Variants in PPARGC1A observed in about 807,000 individuals in gnomAD.
PPARGC1A encodes the protein peroxisome proliferator-activated receptor gamma coactivator 1-alpha.
Under a neutral mutation model 88.7 loss-of-function variants are expected in PPARGC1A, and 25 were observed. That is an observed-to-expected ratio of 0.28 (90% CI 0.21 to 0.39). PPARGC1A has a LOEUF of 0.39. Among genes scored for constraint, PPARGC1A ranks in the 10% least tolerant of loss-of-function variants. The pLI is 1.00. For missense variants in PPARGC1A, 880 were observed against 968.7 expected, an observed-to-expected ratio of 0.91 and a Z score of 1.22; for synonymous variants, 363 against 355.6, an observed-to-expected ratio of 1.02 and a Z score of -0.24.
rs189519572 is a variant in PPARGC1A at position 23,813,552 on chromosome 4, C to T, written c.1793+138G>A. ...AGAGATGTGAGTGTAACAATGTTCT[C>T]GTTAGTTCCAGCAGTGCCAGAATTG... On this transcript the variant is annotated intron_variant, in intron 8 of 12. Coordinates refer to ENST00000264867, the MANE Select transcript of PPARGC1A (RefSeq NM_013261.5). 129 of 747,298 alleles carry T rather than the reference C, an allele frequency of 1.7e-4. No individual in the cohort carries two copies. The East Asian group carries it at 3.2e-3, about 19-fold the overall frequency. 46.3% of individuals were successfully genotyped at this position (747,298 alleles called of 1,614,324 possible). A position where few individuals can be genotyped will look rare whatever the true frequency, so the allele number is the denominator to read the frequency against.
intron 2 of PPARGC1A, chr4:23,883,144 G>T (rs1301094570): frequency 3.3e-5 from 5 of 152,188 alleles, no homozygotes; most frequent in African/African-American, 1.2e-4. Context: ...GTCCTCACAT[G>T]AACTTTCTAA....
chr4:24,157,175 G>A, the PPARGC1A span, among the ~76,000 whole-genome samples: 1 of 152,112 alleles, frequency 6.6e-6, no homozygotes, highest in Admixed American at 6.6e-5. Context: ...AAAAATAAAA[G>A]ATGGCAGATC....
chr4:24,348,761 TCTTTCC>T, the PPARGC1A span, among the ~76,000 whole-genome samples: 2 of 152,354 alleles, frequency 1.3e-5, no homozygotes, highest in Non-Finnish European at 1.5e-5. Context: ...CTTTCTCTGA[TCTTTCC>T]CTTATTAGCT....
chr4:23,982,127 T>C, the PPARGC1A span, among the ~76,000 whole-genome samples: 10 of 152,222 alleles, frequency 6.6e-5, no homozygotes, highest in Admixed American at 4.6e-4. Flanking sequence ...TGAGAGAGAA[T>C]CTCCTCAGAA....
At chr4:24,097,048 G>A in the PPARGC1A span, among the ~76,000 whole-genome samples, 4 of 152,082 alleles carry the variant, frequency 2.6e-5, no homozygotes, top group Non-Finnish European at 4.4e-5. Flanking sequence ...AAGCTATGAT[G>A]GTGCCACGGC....
At chr4:24,398,931 T>C in the PPARGC1A span, among the ~76,000 whole-genome samples, 2 of 152,300 alleles carry the variant, frequency 1.3e-5, no homozygotes, top group South Asian at 4.1e-4. Flanking sequence ...GAAGATATTT[T>C]CCCCACCCAG....
chr4:24,361,083 ACCACTTGCTCCAGTGTGG>A, the PPARGC1A span, among the ~76,000 whole-genome samples: 1 of 152,176 alleles, frequency 6.6e-6, no homozygotes, highest in Non-Finnish European at 1.5e-5. Context: ...CATTCAGGTG[ACCACTTGCTCCAGTGTGG>A]CTGGGACAAG....
At chr4:24,244,781 A>G in the PPARGC1A span, among the ~76,000 whole-genome samples, 43 of 152,296 alleles carry the variant, frequency 2.8e-4, no homozygotes, top group African/African-American at 9.6e-4. Context: ...CCCCACAACA[A>G]AGAACTATCA....
intron 10 of PPARGC1A, 59 bp from the exon 11 acceptor site, chr4:23,802,404 G>T (rs1718953139): frequency 6.2e-7 from 1 of 1,605,146 alleles, no homozygotes; most frequent in Admixed American, 1.7e-5. Flanking sequence ...CCTCGGCCGG[G>T]CACAGTGGCT....
At chr4:23,860,234 T>C (rs1731000029) in intron 2 of PPARGC1A, among the ~76,000 whole-genome samples, 1 of 142,154 alleles carries the variant, frequency 7.0e-6, no homozygotes, top group Non-Finnish European at 1.5e-5. Flanking sequence ...ATCACATCAC[T>C]GCACCCAGCC....
the PPARGC1A span, among the ~76,000 whole-genome samples, chr4:24,035,520 T>C: frequency 6.6e-6 from 1 of 151,980 alleles, no homozygotes; most frequent in Non-Finnish European, 1.5e-5. Flanking sequence ...CATTCCAGCC[T>C]GGGCGATGGA....
the PPARGC1A span, among the ~76,000 whole-genome samples, chr4:23,928,860 A>G: frequency 5.9e-5 from 9 of 152,120 alleles, no homozygotes; most frequent in South Asian, 8.3e-4. Flanking sequence ...CATTATCCTC[A>G]GCAAACTAAT....
At chr4:24,366,240 G>A in the PPARGC1A span, among the ~76,000 whole-genome samples, 98 of 137,748 alleles carry the variant, frequency 7.1e-4, no homozygotes, top group African/African-American at 2.3e-3. Context: ...ATTTTATTCC[G>A]TTTCATTCAC....
chr4:24,439,289 G>T, the PPARGC1A span, among the ~76,000 whole-genome samples: 1 of 152,174 alleles, frequency 6.6e-6, no homozygotes, highest in South Asian at 2.1e-4. Context: ...GGAGGTAAGA[G>T]AACCATTTTC....
chr4:24,298,097 G>A, the PPARGC1A span, among the ~76,000 whole-genome samples: 1 of 151,814 alleles, frequency 6.6e-6, no homozygotes, highest in African/African-American at 2.4e-5. Context: ...AGAGTCAGTA[G>A]TCACATTATC....
At chr4:24,185,481 C>T in the PPARGC1A span, among the ~76,000 whole-genome samples, 1 of 152,120 alleles carries the variant, frequency 6.6e-6, no homozygotes. Context: ...TCTGAACATA[C>T]ACAATCAATA....
chr4:24,276,549 C>A, the PPARGC1A span, among the ~76,000 whole-genome samples: 3 of 152,136 alleles, frequency 2.0e-5, no homozygotes, highest in Non-Finnish European at 4.4e-5. Flanking sequence ...AGTTTAGGAA[C>A]CAATGGCCTC....
At chr4:24,354,878 CTG>C in the PPARGC1A span, among the ~76,000 whole-genome samples, 1 of 147,962 alleles carries the variant, frequency 6.8e-6, no homozygotes, top group African/African-American at 2.5e-5. Flanking sequence ...CAGAGCAAGA[CTG>C]TCAAAAAAAA....
chr4:24,334,471 G>T, the PPARGC1A span, among the ~76,000 whole-genome samples: 1 of 152,192 alleles, frequency 6.6e-6, no homozygotes, highest in South Asian at 2.1e-4. Flanking sequence ...GAAGTGCTCC[G>T]CAAAGTCAAA....
Sources: allele counts gnomAD v4.1 joint callset (sites outside exome capture counted in the v4.1 genomes callset), GRCh38; gene constraint gnomAD v4.1.1; transcripts MANE v1.5; gene names NCBI Gene and HGNC (gene_info 2026-07-23, HGNC 2026-07-21).